AAK1: variants seen among roughly 807,000 people sequenced by gnomAD.
AAK1 encodes the protein AP2-associated protein kinase 1.
A neutral mutation model predicts 116.0 loss-of-function variants in AAK1; 37 were observed. The observed-to-expected ratio is 0.32, with a 90% CI of 0.25 to 0.42. The LOEUF is 0.42. Among genes scored for constraint, AAK1 ranks in the 10% least tolerant of loss-of-function variants. AAK1 has a pLI of 1.00. For missense variants in AAK1, 919 were observed against 1,170.6 expected (o/e 0.79, Z 3.14); for synonymous variants, 458 against 439.9 (o/e 1.04, Z -0.51).
At position 69,466,795 on chromosome 2, in the gene AAK1, G is replaced by C; in HGVS notation, c.*9074C>G. On this transcript the variant is annotated 3_prime_UTR_variant, in exon 22 of 22. Transcript: ENST00000409085. Reference sequence around the variant, plus strand: ...TACAGGAAAGGAGATGAAGATGTTAGGCACACAGACATTCAGCGTAACTAT... The same window carrying C: ...TACAGGAAAGGAGATGAAGATGTTACGCACACAGACATTCAGCGTAACTAT... 2 of 985,400 alleles carry C rather than the reference G, an allele frequency of 2.0e-6. No individual in the cohort carries two copies. Among genetic ancestry groups the C allele is most frequent in the Non-Finnish European group, 1.2e-6 (1 of 829,938 alleles). The allele number at this position is 985,400 out of a possible 1,614,324, so 61.0% of individuals were successfully genotyped here.
Position 69,475,328 on chromosome 2 carries a change from C to T in AAK1, c.*541G>A. ...ATATACTACCAGTCAGTAAGTTTTA[C>T]CCTTTCTTAAACCACACACCCATCT... On this transcript the variant is annotated 3_prime_UTR_variant, in exon 22 of 22. Transcript: ENST00000409085. 1.0e-6 allele frequency: 1 copy of T among 986,270 alleles called. No individual in the cohort carries two copies. The highest frequency in any genetic ancestry group is 1.2e-6 in the Non-Finnish European group (1 of 830,394). The allele number at this position is 986,270 out of a possible 1,614,324, so 61.1% of individuals were successfully genotyped here.
rs772825861 is a variant in AAK1 at position 69,556,977 on chromosome 2, A to G, written c.165T>C (p.Gly55=). The G allele has an allele frequency of 1.9e-6, 3 of 1,607,978 alleles. No individual in the cohort carries two copies. The African/African-American group carries it at 4.0e-5, about 21-fold the overall frequency. ...TCACCAGAAATACAATAGCAAATCC[A>G]CCTGTGAGAGAAACACACACAAGCT... ...QVTVDEVLAE[G]GFAIVFLVRT... Residue 55 remains glycine (G), a splice_region_variant and synonymous_variant, in exon 3 of 22, where the codon GGT becomes GGC. Transcript: ENST00000409085.
intron 2 of AAK1, among the ~76,000 whole-genome samples, chr2:69,581,340 C>T (rs909909563): frequency 4.6e-5 from 7 of 152,190 alleles, no homozygotes; most frequent in Non-Finnish European, 1.0e-4. Flanking sequence ...TCATGATCCA[C>T]CCACCTCAGC....
chr2:69,630,836 C>T (rs1021260447), intron 2 of AAK1, among the ~76,000 whole-genome samples: 3 of 152,200 alleles, frequency 2.0e-5, no homozygotes, highest in African/African-American at 7.2e-5. Context: ...TACTGAGTTA[C>T]ACCTGGTCAA....
chr2:69,501,972 C>CACAA (rs549343332), intron 16 of AAK1, among the ~76,000 whole-genome samples: 90 of 151,672 alleles, frequency 5.9e-4, no homozygotes, highest in Non-Finnish European at 1.1e-3. Context: ...CACCATCTCA[C>CACAA]ACAAACAAAC....
chr2:69,514,724 T>C lies in AAK1; in HGVS notation c.1523A>G (p.Gln508Arg). 2 of 1,603,168 alleles carry C rather than the reference T, an allele frequency of 1.2e-6. No individual in the cohort carries two copies. The highest frequency in any genetic ancestry group is 2.2e-5 in the East Asian group (1 of 44,724). Residue 508 changes from glutamine to arginine, a missense_variant, in exon 13 of 22, where the codon CAG becomes CGG. Transcript: ENST00000409085. ...QQFQAVHPATQKPAIAQFPVV... is the reference protein window; with the variant it reads ...QQFQAVHPATRKPAIAQFPVV... ...AGGGAACTGAGCAATTGCTGGTTTC[T>C]GGGTTGCTGGATGTACTGCCTGAAA...
chr2:69,488,495 C>T (rs1675390670), intron 17 of AAK1, among the ~76,000 whole-genome samples: 1 of 152,054 alleles, frequency 6.6e-6, no homozygotes, highest in African/African-American at 2.4e-5. Context: ...AATTTTCTCA[C>T]CTGTAAACAG....
At chr2:69,627,867 A>C (rs10201537) in intron 2 of AAK1, among the ~76,000 whole-genome samples, 3 of 152,120 alleles carry the variant, frequency 2.0e-5, no homozygotes, top group Non-Finnish European at 4.4e-5. Context: ...CTGATGGCTC[A>C]TTAAAAAGTC....
Position 69,525,038 on chromosome 2 carries a change from C to G in AAK1, c.1050G>C (p.Lys350Asn). The G allele has an allele frequency of 6.2e-7, 1 of 1,613,930 alleles. No individual in the cohort carries two copies. The highest frequency in any genetic ancestry group is 1.1e-5 in the South Asian group (1 of 91,078). Residue 350 changes from lysine to asparagine, a missense_variant, in exon 10 of 22, where the codon AAG becomes AAC. Physicochemically the swap from Lys to Asn is moderately conservative, Grantham distance 94. Around this residue, in one of 4 missense-constraint regions of AAK1, gnomAD observed 317 missense variants for 490.4 expected, o/e 0.65. Transcript: ENST00000409085. ...TTCATGAAGGCATTTCTTACCTGGC[C>G]TTTGGCTGGGTCTTTTTTGCAGCTG... The part of the protein sequence containing the change: ...SEAAAKKTQP[K>N]ARLTDPIPTT...
intron 2 of AAK1, among the ~76,000 whole-genome samples, chr2:69,563,371 A>C (rs1348226378): frequency 1.3e-5 from 2 of 152,194 alleles, no homozygotes; most frequent in Non-Finnish European, 2.9e-5. Context: ...AATAATGAGA[A>C]TGATTAGACT....
At chr2:69,524,998 C>A in intron 10 of AAK1, 35 bp downstream of exon 10, 1 of 1,592,502 alleles carries the variant, frequency 6.3e-7, no homozygotes, top group South Asian at 1.1e-5. Context: ...TGTGGCAATC[C>A]AAGGAGGACA....
At position 69,479,008 on chromosome 2, in the gene AAK1, T is replaced by G; in HGVS notation, c.2623A>C (p.Thr875Pro). 1 of 1,613,834 alleles carries G rather than the reference T, an allele frequency of 6.2e-7. No individual in the cohort carries two copies. Among genetic ancestry groups the G allele is most frequent in the Non-Finnish European group, 8.5e-7 (1 of 1,179,806 alleles). The change falls in exon 20 of 22, where the codon ACT becomes CCT. Residue 875 changes from threonine to proline, a missense_variant. Coordinates refer to ENST00000409085, the MANE Select transcript of AAK1 (RefSeq NM_014911.5). ...LLDCSLLSNP[T>P]TDLLEEFAPT... is the part of the protein sequence containing the mutation. ...GCAAACTCTTCCAGAAGGTCAGTAGTAGGGTTAGAGAGCAGAGAGCAATCA... is the reference window on the plus strand; with the variant it reads ...GCAAACTCTTCCAGAAGGTCAGTAGGAGGGTTAGAGAGCAGAGAGCAATCA...
At chr2:69,489,177 TA>T in intron 17 of AAK1, among the ~76,000 whole-genome samples, 1 of 150,804 alleles carries the variant, frequency 6.6e-6, no homozygotes, top group Non-Finnish European at 1.5e-5. Context: ...AGAAGCCGGC[TA>T]TGGGGCTCAC....
rs1412407069 is a variant in AAK1, at chr2:69,465,213, C to G, written c.*10656G>C. On this transcript the variant is annotated 3_prime_UTR_variant, in exon 22 of 22. Transcript: ENST00000409085. Reference sequence around the variant, plus strand: ...AAGTCCAGAAATCAATATAAACAAACAAACAAACAAACAAAAATGAACATA... The same window carrying G: ...AAGTCCAGAAATCAATATAAACAAAGAAACAAACAAACAAAAATGAACATA... 8.5e-6 allele frequency: 3 copies of G among 354,536 alleles called. No homozygotes were observed. Among genetic ancestry groups the G allele is most frequent in the Non-Finnish European group, 1.5e-5 (3 of 203,068 alleles). The allele number at this position is 354,536 out of a possible 1,614,324, so 22.0% of individuals were successfully genotyped here. A position where few individuals can be genotyped will look rare whatever the true frequency, so the allele number is the denominator to read the frequency against.
intron 2 of AAK1, among the ~76,000 whole-genome samples, chr2:69,587,245 C>G (rs948040348): frequency 2.6e-5 from 4 of 151,334 alleles, no homozygotes; most frequent in African/African-American, 9.7e-5. Flanking sequence ...CCACCATGCT[C>G]AGCTTATATA....
chr2:69,485,803 TG>T (rs1289543790), intron 17 of AAK1, among the ~76,000 whole-genome samples: 1 of 151,558 alleles, frequency 6.6e-6, no homozygotes, highest in African/African-American at 2.4e-5. Context: ...GGATTACGAG[TG>T]TGCGCCACCA....
chr2:69,624,140 A>G (rs1674792851), intron 2 of AAK1, among the ~76,000 whole-genome samples: 2 of 152,216 alleles, frequency 1.3e-5, no homozygotes, highest in South Asian at 4.1e-4. Flanking sequence ...GGAAGTATAT[A>G]CAGGTTTAAT....
chr2:69,484,330 T>C (rs1017552020), intron 17 of AAK1, among the ~76,000 whole-genome samples: 1 of 152,210 alleles, frequency 6.6e-6, no homozygotes, highest in African/African-American at 2.4e-5. Flanking sequence ...AACAAAAGAA[T>C]GGATTTCAGA....
At chr2:69,493,424 G>C (rs567408429) in intron 17 of AAK1, among the ~76,000 whole-genome samples, 32 of 152,140 alleles carry the variant, frequency 2.1e-4, no homozygotes, top group African/African-American at 7.7e-4. Context: ...GAGTGGGTGT[G>C]GGGGGACTGG....
Sources: allele counts gnomAD v4.1 joint callset (sites outside exome capture counted in the v4.1 genomes callset), GRCh38; gene constraint gnomAD v4.1.1; regional missense constraint gnomAD v4.1.1; transcripts MANE v1.5; gene names NCBI Gene and HGNC (gene_info 2026-07-23, HGNC 2026-07-21).